Variants in AHCTF1 observed in about 807,000 individuals in gnomAD.
AHCTF1 encodes the protein protein ELYS.
A neutral mutation model predicts 248.4 loss-of-function variants in AHCTF1; 24 were observed. The ratio of observed to expected loss-of-function variants is 0.10; its 90% confidence interval spans 0.07 to 0.14. The LOEUF is 0.14. Among genes scored for constraint, AHCTF1 ranks in the 10% least tolerant of loss-of-function variants. The probability of loss-of-function intolerance (pLI) is 1.00; values close to 1 mark genes in which losing one functional copy is unlikely to be tolerated. For missense variants in AHCTF1, 2,206 were observed against 2,636.2 expected (o/e 0.84, Z 3.57); for synonymous variants, 786 against 929.8 (o/e 0.85, Z 2.81).
Position 246,841,007 on chromosome 1 carries a change from A to C in AHCTF1, c.6609-9T>G. 1 of 1,591,816 alleles carries C rather than the reference A, an allele frequency of 6.3e-7. No homozygotes were observed. The highest frequency in any genetic ancestry group is 8.5e-7 in the Non-Finnish European group (1 of 1,173,024). On this transcript the variant is annotated splice_polypyrimidine_tract_variant and intron_variant, in intron 35 of 35. Transcript: ENST00000648844. Reference sequence around the variant, plus strand: ...TTTCTTTTTCTGTGTTTCTGAAAAAAAAAGATATGATCAAGTAAGAATAAA... The same window carrying C: ...TTTCTTTTTCTGTGTTTCTGAAAAACAAAGATATGATCAAGTAAGAATAAA...
chr1:246,901,435 T>C (rs1359445990), intron 8 of AHCTF1, among the ~76,000 whole-genome samples: 1 of 151,968 alleles, frequency 6.6e-6, no homozygotes, highest in African/African-American at 2.4e-5. Flanking sequence ...AGGAGATGGC[T>C]AACACGGTGA....
chr1:246,922,794 A>G lies in AHCTF1; in HGVS notation c.-7-4417T>C, dbSNP rs182716933. On this transcript the variant is annotated intron_variant, in intron 1 of 35. Coordinates refer to ENST00000648844, the MANE Select transcript of AHCTF1 (RefSeq NM_001323342.2). ...TCAGGAGATCGAGACCATCCTGGAT[A>G]ACACGGTGAAACCCTGTCTCTACTA... Among the ~76,000 whole-genome samples the G allele has an allele frequency of 8.5e-4, 128 of 151,158 alleles. 1 individual carries two copies. The South Asian group carries it at 0.014, about 17-fold the overall frequency.
At chr1:246,860,747 C>A (rs1240942158) in intron 29 of AHCTF1, 152 bp downstream of exon 29, 7 of 1,014,910 alleles carry the variant, frequency 6.9e-6, no homozygotes, top group Non-Finnish European at 9.9e-6. Context: ...CTCAAGCAAT[C>A]CTCCAGCCTC....
chr1:246,867,122 G>GCAAA, intron 26 of AHCTF1, 122 bp downstream of exon 26: 3 of 584,416 alleles, frequency 5.1e-6, no homozygotes, highest in Non-Finnish European at 8.5e-6. Flanking sequence ...ATAATAAAAA[G>GCAAA]CAAACATTAA....
At chr1:246,919,821 G>T (rs1572468217) in intron 1 of AHCTF1, among the ~76,000 whole-genome samples, 1 of 151,506 alleles carries the variant, frequency 6.6e-6, no homozygotes, top group Non-Finnish European at 1.5e-5. Flanking sequence ...AATTCTTAAA[G>T]AATTCTCAAA....
chr1:246,849,111 GT>G (rs776059691), intron 33 of AHCTF1, among the ~76,000 whole-genome samples: 21 of 152,178 alleles, frequency 1.4e-4, no homozygotes, highest in Admixed American at 7.2e-4. Flanking sequence ...TCCTTAGCTC[GT>G]GACAATGAAG....
intron 24 of AHCTF1, among the ~76,000 whole-genome samples, chr1:246,873,193 T>G (rs1006373451): frequency 2.6e-5 from 4 of 152,194 alleles, no homozygotes; most frequent in African/African-American, 9.7e-5. Context: ...TCTTGATATA[T>G]TCAAACTTTC....
chr1:246,911,999 T>C (rs569079503), intron 4 of AHCTF1, among the ~76,000 whole-genome samples: 1 of 152,276 alleles, frequency 6.6e-6, no homozygotes, highest in Non-Finnish European at 1.5e-5. Context: ...AGTGGCGTGA[T>C]CTCGGTTCAC....
chr1:246,929,781 C>T (rs916320908), intron 1 of AHCTF1, among the ~76,000 whole-genome samples: 18 of 152,186 alleles, frequency 1.2e-4, no homozygotes, highest in South Asian at 2.1e-4. Flanking sequence ...CAGCCGGGCG[C>T]GGTGGCTCAC....
intron 35 of AHCTF1, among the ~76,000 whole-genome samples, chr1:246,842,354 G>A (rs1659932918): frequency 6.6e-6 from 1 of 152,082 alleles, no homozygotes; most frequent in African/African-American, 2.4e-5. Context: ...GGCCAAGGCA[G>A]GCGGATCACT....
At chr1:246,855,894 C>T in intron 30 of AHCTF1, 67 bp from the exon 31 acceptor site, 1 of 1,153,286 alleles carries the variant, frequency 8.7e-7, no homozygotes, top group Non-Finnish European at 1.3e-6. Flanking sequence ...TGCTTTAGTC[C>T]TACCACCTAA....
chr1:246,889,815 TA>T (rs1558251181), intron 17 of AHCTF1, 150 bp downstream of exon 17: 1 of 525,374 alleles, frequency 1.9e-6, no homozygotes, highest in Non-Finnish European at 3.3e-6. Context: ...TGTACTTTTT[TA>T]AAAAAGAGAA....
chr1:246,872,645 G>A (rs897539077), intron 24 of AHCTF1, among the ~76,000 whole-genome samples: 1 of 152,080 alleles, frequency 6.6e-6, no homozygotes, highest in Admixed American at 6.6e-5. Context: ...TAAGGATCAC[G>A]CTAGCCAAAC....
Position 246,853,146 on chromosome 1 carries a change from A to G in AHCTF1, c.4508T>C (p.Leu1503Ser), listed in dbSNP as rs1660839008. 5.6e-6 allele frequency: 9 copies of G among 1,612,058 alleles called. No homozygotes were observed. Among genetic ancestry groups the G allele is most frequent in the Non-Finnish European group, 7.6e-6 (9 of 1,179,224 alleles). ...EVGVLKESVD[L>S]PEEKLPISDS... ...AGAAATTGGAAGCTTTTCTTCTGGT[A>G]AGTCAACACTTTCTTTTAGTACACC... The change falls in exon 32 of 36, where the codon TTA becomes TCA. Residue 1503 changes from leucine (L) to serine (S), a missense_variant. Transcript: ENST00000648844.
chr1:246,926,064 AAAG>A (rs1666902334), intron 1 of AHCTF1, among the ~76,000 whole-genome samples: 1 of 150,778 alleles, frequency 6.6e-6, no homozygotes, highest in Admixed American at 6.6e-5. Flanking sequence ...AAAAAAAAAA[AAAG>A]GCCTGGTACC....
intron 18 of AHCTF1, 34 bp downstream of exon 18, chr1:246,888,360 G>A (rs776358501): frequency 6.2e-7 from 1 of 1,612,534 alleles, no homozygotes; most frequent in Non-Finnish European, 8.5e-7. Flanking sequence ...CAGCTTTGTA[G>A]ACTCTAAATG....
At chr1:246,859,108 A>G (rs1471690440) in intron 29 of AHCTF1, among the ~76,000 whole-genome samples, 2 of 152,174 alleles carry the variant, frequency 1.3e-5, no homozygotes, top group Non-Finnish European at 2.9e-5. Context: ...GACATATGCT[A>G]TTTATGGGCA....
chr1:246,913,448 CA>C, intron 3 of AHCTF1, 36 bp from the exon 4 acceptor site: 1 of 1,552,224 alleles, frequency 6.4e-7, no homozygotes, highest in Non-Finnish European at 8.8e-7. Flanking sequence ...TTTTCTTCTG[CA>C]AAGTAAGAAA....
chr1:246,912,458 G>A (rs1665879383), intron 4 of AHCTF1, among the ~76,000 whole-genome samples: 1 of 151,590 alleles, frequency 6.6e-6, no homozygotes, highest in Non-Finnish European at 1.5e-5. Flanking sequence ...ACTCCAGCCT[G>A]GCAACAGAGC....
Sources: allele counts gnomAD v4.1 joint callset (sites outside exome capture counted in the v4.1 genomes callset), GRCh38; gene constraint gnomAD v4.1.1; transcripts MANE v1.5; gene names NCBI Gene and HGNC (gene_info 2026-07-23, HGNC 2026-07-21).